COL5A2: variants seen among roughly 807,000 people sequenced by gnomAD.
COL5A2 encodes collagen type V alpha 2 chain.
A neutral mutation model predicts 208.2 loss-of-function variants in COL5A2; 23 were observed. The ratio of observed to expected loss-of-function variants is 0.11; its 90% CI spans 0.08 to 0.16. COL5A2 has a LOEUF of 0.16. Ranked by LOEUF, COL5A2 falls within the 10% of genes least tolerant of loss-of-function variation. The pLI is 1.00. For missense variants in COL5A2, 1,590 were observed against 1,956.4 expected (o/e 0.81, Z 3.53); for synonymous variants, 625 against 628.5 (o/e 0.99, Z 0.08).
intron 1 of COL5A2, among the ~76,000 whole-genome samples, chr2:189,220,828 C>T (rs1012393876): frequency 3.9e-5 from 6 of 152,292 alleles, no homozygotes; most frequent in Non-Finnish European, 8.8e-5. Context: ...ATCACCCAGG[C>T]CTCCCCATCA....
chr2:189,051,809 AT>A lies in COL5A2; in HGVS notation c.2770-329del, dbSNP rs1474636372. On this transcript the variant is annotated intron_variant, in intron 41 of 53. Coordinates refer to ENST00000374866, the MANE Select transcript of COL5A2 (RefSeq NM_000393.5). The stretch of plus-strand genomic sequence containing the variant: ...ATATATAATACTTTATTCTGAGATA[AT>A]TATTTATTCTTATGATTTGATCTTA... Among the ~76,000 whole-genome samples the A allele has an allele frequency of 9.8e-5, 15 of 152,330 alleles. No individual in the cohort carries two copies. In the East Asian group the frequency reaches 2.9e-3, roughly 29 times the overall value.
At chr2:189,146,248 G>A (rs1688037584) in intron 1 of COL5A2, among the ~76,000 whole-genome samples, 1 of 152,100 alleles carries the variant, frequency 6.6e-6, no homozygotes, top group African/African-American at 2.4e-5. Flanking sequence ...ATTATGAAAG[G>A]CATTGGTTGT....
intron 45 of COL5A2, among the ~76,000 whole-genome samples, chr2:189,047,250 C>T (rs892047491): frequency 2.6e-5 from 4 of 152,078 alleles, no homozygotes; most frequent in African/African-American, 9.7e-5. Flanking sequence ...AGAGATTTAC[C>T]GATTTTCATA....
the COL5A2 span, among the ~76,000 whole-genome samples, chr2:189,236,404 A>G: frequency 6.6e-6 from 1 of 151,804 alleles, no homozygotes; most frequent in Non-Finnish European, 1.5e-5. Flanking sequence ...ATAATTGGGC[A>G]ATATGGTATG....
chr2:189,159,554 T>A (rs1362239242), intron 1 of COL5A2, among the ~76,000 whole-genome samples: 2 of 152,198 alleles, frequency 1.3e-5, no homozygotes, highest in East Asian at 3.8e-4. Flanking sequence ...TCTTGCACTG[T>A]CACACAGCCT....
chr2:189,412,246 C>A, the COL5A2 span, among the ~76,000 whole-genome samples: 1 of 151,944 alleles, frequency 6.6e-6, no homozygotes, highest in Non-Finnish European at 1.5e-5. Flanking sequence ...TCCTAACGTT[C>A]GTGAAATGTT....
chr2:189,064,468 C>G (rs1044923523), intron 25 of COL5A2, 89 bp downstream of exon 25: 2 of 919,832 alleles, frequency 2.2e-6, no homozygotes, highest in East Asian at 2.4e-5. Context: ...TAAAAACAAA[C>G]TAAATTTAAA....
chr2:189,217,007 G>C (rs1689287506), intron 1 of COL5A2, among the ~76,000 whole-genome samples: 1 of 152,056 alleles, frequency 6.6e-6, no homozygotes, highest in Non-Finnish European at 1.5e-5. Context: ...GAGGGGGAAA[G>C]TGACAACAAG....
chr2:189,309,004 GTA>G, the COL5A2 span, among the ~76,000 whole-genome samples: 1,412 of 152,262 alleles, frequency 9.3e-3, 29 homozygotes, highest in African/African-American at 0.032. Context: ...TTTGTCAACA[GTA>G]TGTTTCTGAT....
intron 1 of COL5A2, among the ~76,000 whole-genome samples, chr2:189,173,994 T>C (rs1576573671): frequency 6.6e-6 from 1 of 152,358 alleles, no homozygotes; most frequent in South Asian, 2.1e-4. Flanking sequence ...TTGATCCATG[T>C]CCATACATTT....
chr2:189,125,188 G>T (rs1402482536), intron 1 of COL5A2, among the ~76,000 whole-genome samples: 1 of 152,078 alleles, frequency 6.6e-6, no homozygotes, highest in Admixed American at 6.6e-5. Flanking sequence ...GAAACTCAAG[G>T]TATGTATCCA....
At chr2:189,096,813 T>C (rs1204643898) in intron 6 of COL5A2, among the ~76,000 whole-genome samples, 1 of 152,178 alleles carries the variant, frequency 6.6e-6, no homozygotes, top group Non-Finnish European at 1.5e-5. Flanking sequence ...GGATTGCTGA[T>C]TTTTAAAACT....
chr2:189,419,695 C>T, the COL5A2 span, among the ~76,000 whole-genome samples: 1 of 151,766 alleles, frequency 6.6e-6, no homozygotes, highest in Non-Finnish European at 1.5e-5. Flanking sequence ...ACTGGAAAGA[C>T]TGAGGCAGGA....
At chr2:189,149,807 C>T (rs568394744) in intron 1 of COL5A2, among the ~76,000 whole-genome samples, 1 of 152,262 alleles carries the variant, frequency 6.6e-6, no homozygotes, top group South Asian at 2.1e-4. Context: ...AAGTCATTAA[C>T]CTCCAGAATA....
At chr2:189,304,099 T>C in the COL5A2 span, among the ~76,000 whole-genome samples, 1 of 152,334 alleles carries the variant, frequency 6.6e-6, no homozygotes, top group South Asian at 2.1e-4. Flanking sequence ...TGTATAACTA[T>C]GAGTTTTTTT....
Position 189,064,004 on chromosome 2 carries a change from A to G in COL5A2, c.1746T>C (p.Gly582=), listed in dbSNP as rs1472834896. The G allele has an allele frequency of 6.2e-7, 1 of 1,613,368 alleles. No homozygotes were observed. The highest frequency in any genetic ancestry group is 8.5e-7 in the Non-Finnish European group (1 of 1,179,676). ...CCAAAGGTCCAAGTTTTCCTTCAGGACCTTGAACACCAGGATTTCCTGTCA... is the reference window on the plus strand; with the variant it reads ...CCAAAGGTCCAAGTTTTCCTTCAGGGCCTTGAACACCAGGATTTCCTGTCA... ...RGLTGNPGVQ[G]PEGKLGPLGA... The change falls in exon 26 of 54, where the codon GGT becomes GGC. Residue 582 remains glycine (G), a synonymous_variant. Transcript: ENST00000374866.
chr2:189,080,295 C>T (rs1419031904), intron 13 of COL5A2, among the ~76,000 whole-genome samples: 1 of 152,074 alleles, frequency 6.6e-6, no homozygotes, highest in African/African-American at 2.4e-5. Context: ...TAATCTGTAG[C>T]TACAAATAAA....
At chr2:189,438,715 G>A in the COL5A2 span, among the ~76,000 whole-genome samples, 2 of 152,132 alleles carry the variant, frequency 1.3e-5, no homozygotes, top group Non-Finnish European at 2.9e-5. Flanking sequence ...TGAGGTGCTG[G>A]AATTCTTCTG....
Position 189,051,371 on chromosome 2 carries a change from G to A in COL5A2, c.2880C>T (p.Gly960=), listed in dbSNP as rs1277463756. The change falls in exon 42 of 54, where the codon GGC becomes GGT. Residue 960 remains glycine, a synonymous_variant. Transcript: ENST00000374866. ...HGRVGDRGPA[G]PPGGPGDKGD... ...CTTTGTCTCCTGGGCCACCAGGGGG[G>A]CCAGCTGGTCCTCGATCTCCCACAC... 3 of 1,614,036 alleles carry A rather than the reference G, an allele frequency of 1.9e-6. No homozygotes were observed. Among genetic ancestry groups the A allele is most frequent in the African/African-American group, 2.7e-5 (2 of 75,004 alleles).
Sources: gnomAD v4.1 joint callset for allele counts (sites outside exome capture counted in the v4.1 genomes callset) on GRCh38, gnomAD v4.1.1 for gene constraint, MANE v1.5 for transcripts, NCBI Gene and HGNC (gene_info 2026-07-23, HGNC 2026-07-21) for gene names.